The following CYTH3 variants were observed in gnomAD, a reference collection of about 807,000 sequenced individuals.
CYTH3 encodes the protein cytohesin 3.
CYTH3 carries 23 observed loss-of-function variants against 55.1 expected under a neutral mutation model. The observed-to-expected ratio is 0.42, with a 90% CI of 0.30 to 0.59. CYTH3 has a LOEUF of 0.59. CYTH3 is among the 20% of genes least tolerant of loss of function. The pLI, the probability that CYTH3 is intolerant of heterozygous loss-of-function variation, is 0.20. For missense variants in CYTH3, 413 were observed against 524.8 expected, an observed-to-expected ratio of 0.79 and a Z score of 2.08; for synonymous variants, 249 against 194.9, an observed-to-expected ratio of 1.28 and a Z score of -2.31.
chr7:6,231,291 G>C (rs1261702630), intron 1 of CYTH3, among the ~76,000 whole-genome samples: 1 of 152,246 alleles, frequency 6.6e-6, no homozygotes, highest in Non-Finnish European at 1.5e-5. Context: ...AAGGGACTTG[G>C]AGGAGGAAGA....
At chr7:6,272,410 G>GGGGGGCC in intron 1 of CYTH3, 64 bp downstream of exon 1, 2 of 1,216,614 alleles carry the variant, frequency 1.6e-6, no homozygotes, top group East Asian at 3.8e-5. Context: ...CCGCGCCCTC[G>GGGGGGCC]ACCCCCAGCC....
At chr7:6,217,575 G>C (rs565184070) in intron 1 of CYTH3, among the ~76,000 whole-genome samples, 15 of 152,270 alleles carry the variant, frequency 9.9e-5, no homozygotes, top group African/African-American at 2.6e-4. Flanking sequence ...CAACAACAGA[G>C]CTGAGAGATA....
At chr7:6,226,803 G>A (rs971900244) in intron 1 of CYTH3, among the ~76,000 whole-genome samples, 26 of 152,200 alleles carry the variant, frequency 1.7e-4, no homozygotes, top group East Asian at 3.9e-4. Context: ...AAAGGGGGCC[G>A]GGCGCGGTGG....
At chr7:6,194,551 T>C (rs1783874633) in intron 1 of CYTH3, among the ~76,000 whole-genome samples, 1 of 152,160 alleles carries the variant, frequency 6.6e-6, no homozygotes, top group Non-Finnish European at 1.5e-5. Context: ...GGAAAACAAT[T>C]TGTCTATTAA....
intron 1 of CYTH3, among the ~76,000 whole-genome samples, chr7:6,228,935 C>T (rs1271044027): frequency 1.3e-5 from 2 of 152,148 alleles, no homozygotes; most frequent in Admixed American, 6.5e-5. Flanking sequence ...AAACATAAGA[C>T]ACTGTGCAAT....
intron 3 of CYTH3, 33 bp from the exon 4 acceptor site, chr7:6,187,149 T>G (rs766326089): frequency 6.3e-7 from 1 of 1,596,622 alleles, no homozygotes; most frequent in African/African-American, 1.3e-5. Flanking sequence ...AAATCACTCA[T>G]GCTGTTTTCA....
intron 1 of CYTH3, among the ~76,000 whole-genome samples, chr7:6,237,452 G>A (rs1779552332): frequency 6.6e-6 from 1 of 152,196 alleles, no homozygotes; most frequent in South Asian, 2.1e-4. Flanking sequence ...GCTCACACCT[G>A]TAATCCCAGC....
chr7:6,271,861 G>A (rs1562424800), intron 1 of CYTH3, among the ~76,000 whole-genome samples: 1 of 152,048 alleles, frequency 6.6e-6, no homozygotes. Flanking sequence ...TGTCGCGTCT[G>A]CCGTTTCCTA....
At chr7:6,259,811 A>T (rs1166334704) in intron 1 of CYTH3, among the ~76,000 whole-genome samples, 1 of 26,394 alleles carries the variant, frequency 3.8e-5, no homozygotes. Context: ...ATATATATAT[A>T]TAATATATAT....
rs138077069 is a variant in CYTH3 at position 6,209,205 on chromosome 7, T to C, written c.35-18674A>G. ...TTTACCTAACCGCTCTATGCCTCAG[T>C]TTCCTCATTTGTAAATGGGATACTA... On this transcript the variant is annotated intron_variant, in intron 1 of 12. Transcript: ENST00000350796. Among the ~76,000 whole-genome samples, 1,383 of 152,376 alleles carry C rather than the reference T, an allele frequency of 9.1e-3. 19 individuals are homozygous for C. The highest frequency in any genetic ancestry group is 0.018 in the South Asian group (85 of 4,828).
intron 1 of CYTH3, among the ~76,000 whole-genome samples, chr7:6,219,182 G>C (rs574305489): frequency 1.3e-5 from 2 of 152,074 alleles, no homozygotes; most frequent in African/African-American, 4.8e-5. Context: ...ACCTCTTTTT[G>C]GAAACTATTA....
At chr7:6,247,872 C>G (rs1038050094) in intron 1 of CYTH3, among the ~76,000 whole-genome samples, 3 of 151,812 alleles carry the variant, frequency 2.0e-5, no homozygotes, top group Admixed American at 6.6e-5. Flanking sequence ...AGGCTGGTCT[C>G]GAACTCCTGG....
chr7:6,242,002 T>A (rs1779684804), intron 1 of CYTH3, among the ~76,000 whole-genome samples: 1 of 152,188 alleles, frequency 6.6e-6, no homozygotes, highest in African/African-American at 2.4e-5. Flanking sequence ...AATAGTCTCA[T>A]TCATGCTTGC....
chr7:6,171,402 C>A lies in CYTH3; in HGVS notation c.450-88G>T. The A allele has an allele frequency of 8.1e-7, 1 of 1,241,370 alleles. No homozygotes were observed. Among genetic ancestry groups the A allele is most frequent in the South Asian group, 1.3e-5 (1 of 78,320 alleles). 76.9% of individuals were successfully genotyped at this position (1,241,370 alleles called of 1,614,324 possible). A position where few individuals can be genotyped will look rare whatever the true frequency, so the allele number is the denominator to read the frequency against. Reference sequence around the variant, plus strand: ...CGGCTTCTGCCCAGCTCAGGAAGGACGTTTTCCTCCCGAGCCTGGGGTACA... The same window carrying A: ...CGGCTTCTGCCCAGCTCAGGAAGGAAGTTTTCCTCCCGAGCCTGGGGTACA... On this transcript the variant is annotated intron_variant, in intron 6 of 12. Transcript: ENST00000350796. This position sits in a 1 kb window ranked among gnomAD's most constrained non-coding sequence, Gnocchi z 6.7.
chr7:6,178,160 T>G (rs1783395163), intron 4 of CYTH3, among the ~76,000 whole-genome samples: 1 of 152,250 alleles, frequency 6.6e-6, no homozygotes, highest in African/African-American at 2.4e-5. Context: ...GTTTAACAAG[T>G]TAAAAGACAG....
rs138496695 is a variant in CYTH3, at chr7:6,171,390, G to A, written c.450-76C>T. ...CACGGCCAAGGGCGGCTTCTGCCCA[G>A]CTCAGGAAGGACGTTTTCCTCCCGA... On this transcript the variant is annotated intron_variant, in intron 6 of 12. Coordinates refer to ENST00000350796, the MANE Select transcript of CYTH3 (RefSeq NM_004227.4). The surrounding 1 kb of genome is among the most constrained non-coding windows in gnomAD (Gnocchi z 6.7). 3 of 1,399,354 alleles carry A rather than the reference G, an allele frequency of 2.1e-6. No individual in the cohort carries two copies. The African/African-American group carries it at 4.3e-5, about 20-fold the overall frequency. 86.7% of individuals were successfully genotyped at this position (1,399,354 alleles called of 1,614,324 possible). A position where few individuals can be genotyped will look rare whatever the true frequency, so the allele number is the denominator to read the frequency against.
At chr7:6,272,049 G>A (rs943661774) in intron 1 of CYTH3, among the ~76,000 whole-genome samples, 4 of 152,150 alleles carry the variant, frequency 2.6e-5, no homozygotes, top group African/African-American at 9.7e-5. Context: ...GTTTCCCACC[G>A]GCTCAGCCGC....
intron 1 of CYTH3, among the ~76,000 whole-genome samples, chr7:6,259,775 TATATATATAATATATATATATATA>T (rs1780261691): frequency 4.3e-5 from 1 of 23,124 alleles, no homozygotes; most frequent in Non-Finnish European, 5.8e-5. Context: ...ATATATATTA[TATATATATAATATATATATATATA>T]TATATATATA....
rs377700661 is a variant in CYTH3, at chr7:6,251,328, C to CTTT, written c.34+21143_34+21145dup. Among the ~76,000 whole-genome samples, 946 of 141,862 alleles carry CTTT rather than the reference C, an allele frequency of 6.7e-3. 12 individuals are homozygous for CTTT. The highest frequency in any genetic ancestry group is 0.022 in the African/African-American group (874 of 38,964). 93.1% of individuals were successfully genotyped at this position (141,862 alleles called of 152,430 possible). A position where few individuals can be genotyped will look rare whatever the true frequency, so the allele number is the denominator to read the frequency against. ...CTGAAAAGAAAGCTATCAGACTATT[C>CTTT]TTTTTTTTTTTTTTCTTTAAAGGAG... is the stretch of plus-strand genomic sequence containing the variant. On this transcript the variant is annotated intron_variant, in intron 1 of 12. Coordinates refer to ENST00000350796, the MANE Select transcript of CYTH3 (RefSeq NM_004227.4).
Sources: gnomAD v4.1 joint callset for allele counts (sites outside exome capture counted in the v4.1 genomes callset) on GRCh38, gnomAD v4.1.1 for gene constraint, Gnocchi (gnomAD v3.1) non-coding constraint, MANE v1.5 for transcripts, NCBI Gene and HGNC (gene_info 2026-07-23, HGNC 2026-07-21) for gene names.